ZMYND8: variants seen among roughly 807,000 people sequenced by gnomAD.
The protein encoded by ZMYND8 is zinc finger MYND-type containing 8.
A neutral mutation model predicts 140.8 loss-of-function variants in ZMYND8; 37 were observed. The ratio of observed to expected loss-of-function variants is 0.26; its 90% CI spans 0.20 to 0.35. ZMYND8 has a LOEUF of 0.35. Among genes scored for constraint, ZMYND8 ranks in the 10% least tolerant of loss-of-function variants. ZMYND8 has a pLI of 1.00. For missense variants in ZMYND8, 1,068 were observed against 1,570.0 expected (o/e 0.68, Z 5.40); for synonymous variants, 592 against 597.1 (o/e 0.99, Z 0.12).
chr20:47,217,378 G>A (rs1473024660), intron 21 of ZMYND8, among the ~76,000 whole-genome samples: 2 of 152,188 alleles, frequency 1.3e-5, no homozygotes, highest in African/African-American at 4.8e-5. Context: ...GCATATGGTT[G>A]CAAAGCTCAG....
chr20:47,347,068 T>C (rs1056363677), intron 2 of ZMYND8, among the ~76,000 whole-genome samples: 2 of 152,194 alleles, frequency 1.3e-5, no homozygotes, highest in Admixed American at 1.3e-4. Context: ...TGCAAGGCTG[T>C]GTGTTCCAAG....
chr20:47,311,446 GA>G (rs199899615), intron 2 of ZMYND8, among the ~76,000 whole-genome samples: 3,735 of 151,130 alleles, frequency 0.025, 94 homozygotes, highest in South Asian at 0.1. Flanking sequence ...CCATGTTAAC[GA>G]GATCAAGACC....
At chr20:47,322,146 C>T (rs2080012880) in intron 2 of ZMYND8, among the ~76,000 whole-genome samples, 1 of 151,980 alleles carries the variant, frequency 6.6e-6, no homozygotes, top group South Asian at 2.1e-4. Context: ...CAGATGTGAC[C>T]CACCTCACCC....
chr20:47,299,385 T>C (rs1463401733), intron 3 of ZMYND8, among the ~76,000 whole-genome samples: 2 of 152,186 alleles, frequency 1.3e-5, no homozygotes, highest in Non-Finnish European at 2.9e-5. Context: ...GGTGATATAA[T>C]GTATGCCTGT....
intron 14 of ZMYND8, among the ~76,000 whole-genome samples, chr20:47,241,881 G>A (rs565311044): frequency 4.5e-4 from 67 of 149,680 alleles, no homozygotes; most frequent in South Asian, 1.3e-3. Context: ...GCAGTGGCGC[G>A]ATCTCGGCTC....
At chr20:47,240,070 CTA>C (rs1441263502) in intron 14 of ZMYND8, among the ~76,000 whole-genome samples, 3 of 151,906 alleles carry the variant, frequency 2.0e-5, no homozygotes, top group Admixed American at 2.0e-4. Context: ...AACCCCGTCT[CTA>C]TTAAAAATAC....
At chr20:47,342,586 C>T (rs1012225617) in intron 2 of ZMYND8, among the ~76,000 whole-genome samples, 20 of 150,506 alleles carry the variant, frequency 1.3e-4, no homozygotes, top group African/African-American at 4.6e-4. Flanking sequence ...AGGCTCATGC[C>T]TGTAATCCCA....
At chr20:47,271,931 C>A (rs1601488878) in intron 11 of ZMYND8, among the ~76,000 whole-genome samples, 1 of 151,610 alleles carries the variant, frequency 6.6e-6, no homozygotes, top group Admixed American at 6.6e-5. Context: ...GATCCGCCCA[C>A]CTCGGCCTCC....
rs1601401559 is a variant in ZMYND8 at position 47,262,864 on chromosome 20, C to T, written c.1481-436G>A. 3.9e-5 allele frequency among the ~76,000 whole-genome samples: 6 copies of T among 152,288 alleles called. No homozygotes were observed. In the South Asian group the frequency reaches 1.0e-3, roughly 26 times the overall value. On this transcript the variant is annotated intron_variant, in intron 11 of 22. Transcript: ENST00000471951. ...ACACCACGGCCAGCTCACACGCAGC[C>T]ACTGCACCTGCCAGGGACCAACTTG...
chr20:47,260,236 G>A (rs1053383370), intron 12 of ZMYND8, among the ~76,000 whole-genome samples: 3 of 152,136 alleles, frequency 2.0e-5, no homozygotes, highest in Non-Finnish European at 4.4e-5. Context: ...GTGGGGAAGT[G>A]TTACAAAATT....
intron 15 of ZMYND8, chr20:47,238,377 T>C (rs1315866806): frequency 1.1e-5 from 3 of 271,992 alleles, no homozygotes; most frequent in Non-Finnish European, 2.1e-5. Flanking sequence ...CATACAGATA[T>C]GTATATATAC....
At chr20:47,356,340 A>C in intron 1 of ZMYND8, 1 of 1,451,486 alleles carries the variant, frequency 6.9e-7, no homozygotes, top group Non-Finnish European at 9.1e-7. Flanking sequence ...AAAGAAAAAA[A>C]AAAAAAGAAG....
At chr20:47,272,848 T>C (rs1049902054) in intron 11 of ZMYND8, among the ~76,000 whole-genome samples, 4 of 152,266 alleles carry the variant, frequency 2.6e-5, no homozygotes, top group African/African-American at 9.6e-5. Context: ...TTTTCTATTC[T>C]ATGACATGGC....
At chr20:47,238,277 T>C (rs527520910) in intron 15 of ZMYND8, 27 of 174,814 alleles carry the variant, frequency 1.5e-4, no homozygotes, top group Admixed American at 1.3e-3. Flanking sequence ...AAAAAGCAAG[T>C]ATGGTACCAT....
chr20:47,352,608 T>C, intron 1 of ZMYND8: 2 of 917,866 alleles, frequency 2.2e-6, no homozygotes, highest in Non-Finnish European at 2.6e-6. Flanking sequence ...GTCTGAGCAT[T>C]GGCCTCAGAA....
At chr20:47,320,793 T>C (rs1394977493) in intron 2 of ZMYND8, 2 of 152,148 alleles carry the variant, frequency 1.3e-5, no homozygotes, top group Non-Finnish European at 2.9e-5. Context: ...ACATGTCCTA[T>C]TGTCTACAGG....
At chr20:47,219,352 G>A (rs193017222) in intron 21 of ZMYND8, among the ~76,000 whole-genome samples, 16 of 151,380 alleles carry the variant, frequency 1.1e-4, no homozygotes, top group African/African-American at 1.7e-4. Flanking sequence ...CACTGCGCCC[G>A]GCCTACCAAA....
chr20:47,276,484 C>G lies in ZMYND8; in HGVS notation c.1310G>C (p.Ser437Thr). The G allele has an allele frequency of 6.2e-7, 1 of 1,614,110 alleles. No homozygotes were observed. Among genetic ancestry groups the G allele is most frequent in the Non-Finnish European group, 8.5e-7 (1 of 1,180,008 alleles). The change falls in exon 11 of 23, where the codon AGT (serine) becomes ACT (threonine). Residue 437 changes from serine to threonine, a missense_variant. Around this residue, in one of 10 missense-constraint regions of ZMYND8, gnomAD observed 173 missense variants for 223.3 expected, o/e 0.77. Coordinates refer to ENST00000471951, the MANE Select transcript of ZMYND8 (RefSeq NM_001281775.3). ...GGAAATCCGGCGGCCTGTGCCCCCA[C>G]TCAGCACAGGCTTGCTCATCAGGAT... ...PKILMSKPVL[S>T]GGTGRRISLS...
chr20:47,220,241 A>G lies in ZMYND8; in HGVS notation c.3484+17T>C. On this transcript the variant is annotated intron_variant, in intron 21 of 22. Transcript: ENST00000471951. ...TGAAATGTGAAAGCACCGTTCGCCC[A>G]CCAGGGGGCAACATACCAGAGCCTT... is the stretch of plus-strand genomic sequence containing the variant. 1 of 1,554,568 alleles carries G rather than the reference A, an allele frequency of 6.4e-7. No homozygotes were observed. The highest frequency in any genetic ancestry group is 1.4e-5 in the African/African-American group (1 of 73,364).
Sources: gnomAD v4.1 joint callset for allele counts (sites outside exome capture counted in the v4.1 genomes callset) on GRCh38, gnomAD v4.1.1 for gene constraint, gnomAD v4.1.1 regional missense constraint, MANE v1.5 for transcripts, NCBI Gene and HGNC (gene_info 2026-07-23, HGNC 2026-07-21) for gene names.